Variants in POU2F3 observed in about 807,000 individuals in gnomAD.
POU2F3 encodes the protein POU domain, class 2, transcription factor 3.
In POU2F3, 23 loss-of-function variants were observed where a neutral mutation model predicts 59.2. That is an observed-to-expected ratio of 0.39 (90% CI 0.28 to 0.55). The LOEUF is 0.55. Among genes scored for constraint, POU2F3 ranks in the 20% least tolerant of loss-of-function variants. POU2F3 has a pLI of 0.66. For missense variants in POU2F3, 473 were observed against 544.5 expected (o/e 0.87, Z 1.31); for synonymous variants, 190 against 214.6 (o/e 0.89, Z 1.00).
chr11:120,287,189 A>G (rs1029825620), intron 3 of POU2F3, among the ~76,000 whole-genome samples: 2 of 152,206 alleles, frequency 1.3e-5, no homozygotes, highest in African/African-American at 4.8e-5. Context: ...TGGTGGAAAG[A>G]GGGTTGATTT....
upstream of POU2F3, chr11:120,236,691 T>G (rs189258763): frequency 1.2e-4 from 180 of 1,505,804 alleles, 1 homozygote; most frequent in African/African-American, 2.2e-3. Flanking sequence ...CTCCAAGAAC[T>G]GCTAAAGGAG....
chr11:120,261,010 G>A (rs1226187507), intron 2 of POU2F3, among the ~76,000 whole-genome samples: 1 of 152,074 alleles, frequency 6.6e-6, no homozygotes. Flanking sequence ...AGGCTGCTGT[G>A]AGCCATGATT....
chr11:120,292,702 C>A (rs1304477163), intron 3 of POU2F3, among the ~76,000 whole-genome samples: 1 of 152,198 alleles, frequency 6.6e-6, no homozygotes, highest in Non-Finnish European at 1.5e-5. Flanking sequence ...ATCAGTGCAG[C>A]TGCCCACTGG....
intron 3 of POU2F3, among the ~76,000 whole-genome samples, chr11:120,298,058 G>A (rs1450519022): frequency 6.6e-6 from 1 of 151,676 alleles, no homozygotes; most frequent in Non-Finnish European, 1.5e-5. Flanking sequence ...GTCATTTCAG[G>A]GTCACTCACA....
intron 2 of POU2F3, among the ~76,000 whole-genome samples, chr11:120,257,557 G>A (rs911510465): frequency 6.6e-6 from 1 of 152,008 alleles, no homozygotes; most frequent in Admixed American, 6.5e-5. Flanking sequence ...TGTTCTCAGG[G>A]CCTCTGAGTG....
At chr11:120,288,982 A>G (rs1266184365) in intron 3 of POU2F3, among the ~76,000 whole-genome samples, 4 of 152,202 alleles carry the variant, frequency 2.6e-5, no homozygotes, top group African/African-American at 9.7e-5. Flanking sequence ...GTGAACTGTA[A>G]CATTCTATAT....
Position 120,315,465 on chromosome 11 carries a change from T to A in POU2F3, c.1135+38T>A, listed in dbSNP as rs775038008. On this transcript the variant is annotated intron_variant, in intron 11 of 12. Transcript: ENST00000543440. ...ATGAGATTTCTGAAGAACACCAGAA[T>A]TCTTTTAAAAAATGGGATATTAGAA... 8 of 1,575,166 alleles carry A rather than the reference T, an allele frequency of 5.1e-6. No homozygotes were observed. The Admixed American group carries it at 1.3e-4, about 26-fold the overall frequency.
intron 2 of POU2F3, among the ~76,000 whole-genome samples, chr11:120,263,270 G>A (rs911848292): frequency 2.0e-4 from 31 of 152,112 alleles, no homozygotes; most frequent in Admixed American, 1.9e-3. Flanking sequence ...GATTACAGGC[G>A]TGACCCACCG....
At chr11:120,276,573 G>A (rs781355424) in intron 3 of POU2F3, among the ~76,000 whole-genome samples, 1 of 152,074 alleles carries the variant, frequency 6.6e-6, no homozygotes. Context: ...GGTGGGGCAG[G>A]GCAGGGCGGG....
Position 120,251,793 on chromosome 11 carries a change from C to CTTT in POU2F3, c.97+5295_97+5297dup, listed in dbSNP as rs547326332. On this transcript the variant is annotated intron_variant, in intron 2 of 12. Transcript: ENST00000543440. ...CAACCCCACGTTTTCTCTTGGCTGC[C>CTTT]TTTTTTTTTTTTTTTTTTTTTGACA... 2.1e-3 allele frequency among the ~76,000 whole-genome samples: 257 copies of CTTT among 125,234 alleles called. 13 individuals are homozygous for CTTT. The East Asian group carries it at 0.023, about 11-fold the overall frequency. The allele number at this position is 125,234 out of a possible 152,430, so 82.2% of individuals were successfully genotyped here.
At chr11:120,309,368 G>C in intron 9 of POU2F3, 57 bp from the exon 10 acceptor site, 1 of 1,514,370 alleles carries the variant, frequency 6.6e-7, no homozygotes, top group Non-Finnish European at 9.1e-7. Context: ...TGGGACCTCT[G>C]TTCCCTGCCC....
Position 120,282,971 on chromosome 11 carries a change from G to A in POU2F3, c.132+13727G>A, listed in dbSNP as rs945621355. On this transcript the variant is annotated intron_variant, in intron 3 of 12. Coordinates refer to ENST00000543440, the MANE Select transcript of POU2F3 (RefSeq NM_014352.4). ...AGATTTGGATACCCAGTCACTGGCA[G>A]TAAACATGGGTTCCTGCAGAGGCCA... 3.3e-5 allele frequency among the ~76,000 whole-genome samples: 5 copies of A among 152,340 alleles called. No individual in the cohort carries two copies. The East Asian group carries it at 7.7e-4, about 24-fold the overall frequency.
At chr11:120,236,662 A>AT, upstream of POU2F3, 1 of 1,498,286 alleles carries the variant, frequency 6.7e-7, no homozygotes, top group Non-Finnish European at 9.0e-7. Context: ...CAGAGCTCAA[A>AT]AAACCGGTTT....
chr11:120,286,938 G>A (rs1031604831), intron 3 of POU2F3, among the ~76,000 whole-genome samples: 7 of 151,834 alleles, frequency 4.6e-5, no homozygotes, highest in African/African-American at 1.7e-4. Flanking sequence ...AACATTCTTA[G>A]CCACAGTGGA....
At chr11:120,281,923 G>A (rs1327458238) in intron 3 of POU2F3, among the ~76,000 whole-genome samples, 1 of 152,102 alleles carries the variant, frequency 6.6e-6, no homozygotes, top group African/African-American at 2.4e-5. Flanking sequence ...AATCTTGAGT[G>A]TAAAGTGTCT....
chr11:120,263,937 T>C (rs1939712800), intron 2 of POU2F3, among the ~76,000 whole-genome samples: 1 of 152,182 alleles, frequency 6.6e-6, no homozygotes, highest in Admixed American at 6.5e-5. Context: ...GTTAAACATA[T>C]GATCCTTCAG....
At chr11:120,309,802 G>C (rs1225351573) in intron 10 of POU2F3, among the ~76,000 whole-genome samples, 1 of 152,198 alleles carries the variant, frequency 6.6e-6, no homozygotes, top group Non-Finnish European at 1.5e-5. Context: ...CCCTGAAAAG[G>C]GTGTGTGAAC....
At chr11:120,280,142 C>T (rs1377145066) in intron 3 of POU2F3, among the ~76,000 whole-genome samples, 1 of 152,106 alleles carries the variant, frequency 6.6e-6, no homozygotes, top group Non-Finnish European at 1.5e-5. Flanking sequence ...TTCAAGCAGG[C>T]GTCTCTTTGG....
Position 120,317,374 on chromosome 11 carries a change from A to G in POU2F3, c.1271+10A>G, listed in dbSNP as rs751833245. Reference sequence around the variant, plus strand: ...GTTTTAACTCTTCAGGGTAAGGTGAAGGGGACGGTGCAGAGACATCCCAGC... The same window carrying G: ...GTTTTAACTCTTCAGGGTAAGGTGAGGGGGACGGTGCAGAGACATCCCAGC... On this transcript the variant is annotated intron_variant, in intron 12 of 12. Coordinates refer to ENST00000543440, the MANE Select transcript of POU2F3 (RefSeq NM_014352.4). 5 of 1,614,004 alleles carry G rather than the reference A, an allele frequency of 3.1e-6. No individual in the cohort carries two copies. In the African/African-American group the frequency reaches 6.7e-5, roughly 22 times the overall value.
Sources: gnomAD v4.1 joint callset for allele counts (sites outside exome capture counted in the v4.1 genomes callset) on GRCh38, gnomAD v4.1.1 for gene constraint, MANE v1.5 for transcripts, NCBI Gene and HGNC (gene_info 2026-07-23, HGNC 2026-07-21) for gene names.